CCSAP: variants seen among roughly 807,000 people sequenced by gnomAD.
CCSAP encodes centriole, cilia and spindle associated protein, also known as centriole, cilia and spindle-associated protein.
A neutral mutation model predicts 25.9 loss-of-function variants in CCSAP; 17 were observed. The ratio of observed to expected loss-of-function variants is 0.66; its 90% confidence interval spans 0.45 to 0.99. CCSAP has a LOEUF of 0.99. Ranked by LOEUF, CCSAP falls within the 50% of genes least tolerant of loss-of-function variation. The pLI is 0.00. For synonymous variants in CCSAP, 169 were observed against 157.1 expected (o/e 1.08, Z -0.57); for missense variants, 339 against 367.8 (o/e 0.92, Z 0.64).
rs1658366086 is a variant in CCSAP, at chr1:229,342,577, C to G, written c.-48-64G>C. On this transcript the variant is annotated intron_variant, in intron 1 of 3. Transcript: ENST00000284617. This position sits in a 1 kb window ranked among gnomAD's most constrained non-coding sequence, Gnocchi z 7.5. ...CCTCCGCCGGCCCTGCCCGCCGCGA[C>G]GTTTAAACCCGGAGCCCCGCCCGGA... 1 of 703,082 alleles carries G rather than the reference C, an allele frequency of 1.4e-6. No homozygotes were observed. The highest frequency in any genetic ancestry group is 3.5e-5 in the East Asian group (1 of 28,874). The allele number at this position is 703,082 out of a possible 1,614,324, so 43.6% of individuals were successfully genotyped here. A position where few individuals can be genotyped will look rare whatever the true frequency, so the allele number is the denominator to read the frequency against.
chr1:229,335,914 A>C (rs886680623), intron 2 of CCSAP, among the ~76,000 whole-genome samples: 1 of 152,194 alleles, frequency 6.6e-6, no homozygotes, highest in African/African-American at 2.4e-5. Flanking sequence ...TGAATTGAAA[A>C]TATTCGGGAA....
In CCSAP at chr1:229,322,427, G is replaced by A. The variant is rs1039607813; in HGVS notation, c.*2808C>T. On this transcript the variant is annotated 3_prime_UTR_variant, in exon 4 of 4. Coordinates refer to ENST00000284617, the MANE Select transcript of CCSAP (RefSeq NM_145257.5). ...TAAATATGTGCCTCCTACCTAATACGCAAGTAAGATCACCTATAGCCTATT... is the reference window on the plus strand; with the variant it reads ...TAAATATGTGCCTCCTACCTAATACACAAGTAAGATCACCTATAGCCTATT... 1 of 152,022 alleles carries A rather than the reference G, an allele frequency of 6.6e-6. No individual in the cohort carries two copies. Among genetic ancestry groups the A allele is most frequent in the Non-Finnish European group, 1.5e-5 (1 of 68,004 alleles). 9.4% of individuals were successfully genotyped at this position (152,022 alleles called of 1,614,324 possible).
Position 229,326,990 on chromosome 1 carries a change from A to T in CCSAP, c.384T>A (p.Asp128Glu). ...TTTGTTGTTCAGGTTTATCTTCTAC[A>T]TCTTTCACTGGCAGTGCTTTTGAAA... ...DAALPALPVK[D>E]VEDKPEQQTR... is the part of the protein sequence containing the mutation. Residue 128 changes from aspartate (D) to glutamate (E), a missense_variant, in exon 3 of 4, where the codon GAT becomes GAA. By Grantham distance (45) the Asp-to-Glu change is conservative. Coordinates refer to ENST00000284617, the MANE Select transcript of CCSAP (RefSeq NM_145257.5). 1 of 1,608,246 alleles carries T rather than the reference A, an allele frequency of 6.2e-7. No homozygotes were observed. The highest frequency in any genetic ancestry group is 8.5e-7 in the Non-Finnish European group (1 of 1,176,156).
intron 2 of CCSAP, among the ~76,000 whole-genome samples, chr1:229,338,883 A>C (rs1254381334): frequency 6.6e-6 from 1 of 152,172 alleles, no homozygotes; most frequent in Non-Finnish European, 1.5e-5. Flanking sequence ...ATGGCAGCCC[A>C]GAAAACAATT....
intron 2 of CCSAP, among the ~76,000 whole-genome samples, chr1:229,335,188 G>A (rs909310640): frequency 1.4e-4 from 21 of 152,034 alleles, no homozygotes; most frequent in South Asian, 4.2e-4. Flanking sequence ...GTATAATGAC[G>A]CACACCTGTG....
rs1658344389 is a variant in CCSAP, at chr1:229,342,032, C to G, written c.367+67G>C. ...AGTGGCGCAAGAAATAAGAGATCAG[C>G]TGCTCAGAGCTTAGAGCAAACCGTC... On this transcript the variant is annotated intron_variant, in intron 2 of 3. Transcript: ENST00000284617. The surrounding 1 kb of genome is among the most constrained non-coding windows in gnomAD (Gnocchi z 7.5). 7.9e-7 allele frequency: 1 copy of G among 1,273,636 alleles called. No homozygotes were observed. The highest frequency in any genetic ancestry group is 1.5e-5 in the African/African-American group (1 of 65,388). The allele number at this position is 1,273,636 out of a possible 1,614,324, so 78.9% of individuals were successfully genotyped here. A position where few individuals can be genotyped will look rare whatever the true frequency, so the allele number is the denominator to read the frequency against.
At chr1:229,328,479 A>T (rs28403140) in intron 2 of CCSAP, among the ~76,000 whole-genome samples, 1 of 151,366 alleles carries the variant, frequency 6.6e-6, no homozygotes, top group African/African-American at 2.4e-5. Flanking sequence ...TTACAAAAAA[A>T]TTTTTTTTGT....
At chr1:229,328,479 A>AAT (rs113504470) in intron 2 of CCSAP, among the ~76,000 whole-genome samples, 58,307 of 151,318 alleles carry the variant, frequency 0.39, 11,650 homozygotes, top group Admixed American at 0.45. Context: ...TTACAAAAAA[A>AAT]TTTTTTTTGT....
intron 2 of CCSAP, among the ~76,000 whole-genome samples, chr1:229,337,686 T>TAA (rs1558252352): frequency 2.2e-5 from 1 of 45,312 alleles, no homozygotes; most frequent in Non-Finnish European, 4.8e-5. Context: ...AAAATATATA[T>TAA]ATATATATAT....
intron 2 of CCSAP, among the ~76,000 whole-genome samples, chr1:229,328,333 A>C (rs1657994145): frequency 6.6e-6 from 1 of 152,018 alleles, no homozygotes; most frequent in Non-Finnish European, 1.5e-5. Context: ...ACAGGGTCTC[A>C]CTTGTTGCCC....
rs1658369851 is a variant in CCSAP at position 229,342,636 on chromosome 1, G to C, written c.-48-123C>G. ...GGGGGCGGGTCCCGGCGAGGGCGGG[G>C]AGGGGGCGGGGCGGGGGCGGCCTCA... On this transcript the variant is annotated intron_variant, in intron 1 of 3. Coordinates refer to ENST00000284617, the MANE Select transcript of CCSAP (RefSeq NM_145257.5). The surrounding 1 kb of genome is among the most constrained non-coding windows in gnomAD (Gnocchi z 7.5). 1 of 407,948 alleles carries C rather than the reference G, an allele frequency of 2.5e-6. No homozygotes were observed. Among genetic ancestry groups the C allele is most frequent in the African/African-American group, 2.1e-5 (1 of 48,316 alleles). The allele number at this position is 407,948 out of a possible 1,614,324, so 25.3% of individuals were successfully genotyped here. A position where few individuals can be genotyped will look rare whatever the true frequency, so the allele number is the denominator to read the frequency against.
At chr1:229,330,702 G>A (rs1043138988) in intron 2 of CCSAP, among the ~76,000 whole-genome samples, 14 of 152,114 alleles carry the variant, frequency 9.2e-5, no homozygotes, top group African/African-American at 3.4e-4. Context: ...CTAATTAGCC[G>A]GGCGTGGTGG....
At chr1:229,339,296 C>A (rs1227065332) in intron 2 of CCSAP, among the ~76,000 whole-genome samples, 1 of 152,136 alleles carries the variant, frequency 6.6e-6, no homozygotes, top group Non-Finnish European at 1.5e-5. Context: ...TACAAAAGAT[C>A]AAGATCAAGA....
chr1:229,340,701 C>T, intron 2 of CCSAP: 1 of 375,392 alleles, frequency 2.7e-6, no homozygotes, highest in Non-Finnish European at 4.7e-6. Context: ...GGCAGCCCTG[C>T]CTCCGATGAT....
intron 2 of CCSAP, among the ~76,000 whole-genome samples, chr1:229,333,168 C>T (rs184845776): frequency 5.2e-4 from 79 of 152,298 alleles, no homozygotes; most frequent in African/African-American, 8.9e-4. Context: ...CGCGGTGGCT[C>T]ACGCCTATAA....
rs71561730 is a variant in CCSAP at position 229,341,193 on chromosome 1, C to CAAAAAAAAAAAAAAA, written c.367+891_367+905dup. ...TGGGCCACAGAGCGAGACTCCGTCTCAAAAAAAAAAAAAAAAAAAGATTAC... is the reference window on the plus strand; with the variant it reads ...TGGGCCACAGAGCGAGACTCCGTCTCAAAAAAAAAAAAAAAAAAAAAAAAAAAAAAAAAAGATTAC... On this transcript the variant is annotated intron_variant, in intron 2 of 3. Transcript: ENST00000284617. 1.3e-4 allele frequency among the ~76,000 whole-genome samples: 12 copies of CAAAAAAAAAAAAAAA among 91,110 alleles called. 1 individual carries two copies. The highest frequency in any genetic ancestry group is 5.3e-4 in the African/African-American group (11 of 20,794). 59.8% of individuals were successfully genotyped at this position (91,110 alleles called of 152,430 possible). A position where few individuals can be genotyped will look rare whatever the true frequency, so the allele number is the denominator to read the frequency against.
intron 2 of CCSAP, among the ~76,000 whole-genome samples, chr1:229,329,002 G>A (rs1485482988): frequency 6.6e-6 from 1 of 152,178 alleles, no homozygotes; most frequent in African/African-American, 2.4e-5. Flanking sequence ...TCCATTCACT[G>A]CTCAAACGTT....
chr1:229,329,220 G>C (rs1050804465), intron 2 of CCSAP, among the ~76,000 whole-genome samples: 4 of 152,182 alleles, frequency 2.6e-5, no homozygotes, highest in Admixed American at 1.3e-4. Flanking sequence ...TCTTCCTCCT[G>C]TTCCAGGCAT....
At chr1:229,328,479 A>AATT (rs113504470) in intron 2 of CCSAP, among the ~76,000 whole-genome samples, 1 of 151,366 alleles carries the variant, frequency 6.6e-6, no homozygotes, top group Non-Finnish European at 1.5e-5. Flanking sequence ...TTACAAAAAA[A>AATT]TTTTTTTTGT....
Sources: allele counts gnomAD v4.1 joint callset (sites outside exome capture counted in the v4.1 genomes callset), GRCh38; gene constraint gnomAD v4.1.1; non-coding constraint Gnocchi (gnomAD v3.1); transcripts MANE v1.5; gene names NCBI Gene and HGNC (gene_info 2026-07-23, HGNC 2026-07-21).